Variants in GALNT13 observed in about 807,000 individuals in gnomAD.
GALNT13 encodes UDP-GalNAc:polypeptide N-acetylgalactosaminyltransferase 13.
A neutral mutation model predicts 64.2 loss-of-function variants in GALNT13; 28 were observed. The observed-to-expected ratio is 0.44, with a 90% CI of 0.32 to 0.60. The LOEUF is 0.60. Ranked by LOEUF, GALNT13 falls within the 20% of genes least tolerant of loss-of-function variation. The probability of loss-of-function intolerance (pLI) is 0.05; values close to 1 mark genes in which losing one functional copy is unlikely to be tolerated. For synonymous variants in GALNT13, 214 were observed against 224.6 expected (o/e 0.95, Z 0.42); for missense variants, 577 against 669.8 (o/e 0.86, Z 1.53).
At chr2:154,335,141 A>G (rs963007348) in intron 9 of GALNT13, among the ~76,000 whole-genome samples, 1 of 151,888 alleles carries the variant, frequency 6.6e-6, no homozygotes. Flanking sequence ...TTTCAACTGC[A>G]TCCTAATTGT....
the GALNT13 span, among the ~76,000 whole-genome samples, chr2:153,793,641 TG>T: frequency 9.0e-6 from 1 of 111,010 alleles, no homozygotes; most frequent in East Asian, 2.0e-4. Context: ...ACAACAGTGT[TG>T]TTATTTTGCT....
intron 4 of GALNT13, among the ~76,000 whole-genome samples, chr2:154,161,647 TTTAA>T (rs899929794): frequency 6.6e-6 from 1 of 152,210 alleles, no homozygotes; most frequent in African/African-American, 2.4e-5. Context: ...GTTTACTACC[TTTAA>T]TTATTTAAAT....
intron 3 of GALNT13, among the ~76,000 whole-genome samples, chr2:154,086,770 G>GCA (rs111864421): frequency 4.0e-5 from 6 of 151,356 alleles, no homozygotes; most frequent in South Asian, 2.1e-4. Flanking sequence ...TAGCATACGC[G>GCA]CACACACACA....
chr2:153,077,791 T>C, the GALNT13 span, among the ~76,000 whole-genome samples: 1 of 152,106 alleles, frequency 6.6e-6, no homozygotes, highest in East Asian at 1.9e-4. Flanking sequence ...CTGAAAGAAG[T>C]TTAGTGTTCT....
At position 153,994,609 on chromosome 2, in the gene GALNT13, C is replaced by T. The variant is rs545271230; in HGVS notation, c.142+49970C>T. 8.5e-5 allele frequency among the ~76,000 whole-genome samples: 13 copies of T among 152,284 alleles called. 1 individual carries two copies. In the South Asian group the frequency reaches 2.5e-3, roughly 29 times the overall value. Reference sequence around the variant, plus strand: ...TCCTGACTTTTTAATGATCGCCATTCTAACTGGTGTAAGATGGTATCTCAT... The same window carrying T: ...TCCTGACTTTTTAATGATCGCCATTTTAACTGGTGTAAGATGGTATCTCAT... On this transcript the variant is annotated intron_variant, in intron 3 of 12. Transcript: ENST00000392825.
chr2:153,596,468 A>G, the GALNT13 span, among the ~76,000 whole-genome samples: 1 of 152,140 alleles, frequency 6.6e-6, no homozygotes, highest in Admixed American at 6.6e-5. Context: ...GACATTTGCA[A>G]CATCGAAATT....
chr2:154,121,537 A>G (rs1022621440), intron 3 of GALNT13, among the ~76,000 whole-genome samples: 1 of 152,138 alleles, frequency 6.6e-6, no homozygotes, highest in Non-Finnish European at 1.5e-5. Context: ...TATACATATT[A>G]TGTAACATTT....
chr2:153,387,177 C>A, the GALNT13 span, among the ~76,000 whole-genome samples: 3 of 151,952 alleles, frequency 2.0e-5, no homozygotes, highest in Admixed American at 6.6e-5. Flanking sequence ...TTTTCTAAGA[C>A]AATGAGAAAG....
At chr2:153,736,434 A>G in the GALNT13 span, among the ~76,000 whole-genome samples, 4 of 152,128 alleles carry the variant, frequency 2.6e-5, no homozygotes, top group South Asian at 2.1e-4. Flanking sequence ...CTTCCTCTCA[A>G]GAACATTGGT....
At chr2:153,455,642 G>C in the GALNT13 span, among the ~76,000 whole-genome samples, 2 of 152,122 alleles carry the variant, frequency 1.3e-5, no homozygotes, top group Non-Finnish European at 2.9e-5. Context: ...GGGTACCCAC[G>C]ACTCCTGAAG....
the GALNT13 span, among the ~76,000 whole-genome samples, chr2:153,308,736 G>A: frequency 6.6e-6 from 1 of 152,074 alleles, no homozygotes; most frequent in East Asian, 1.9e-4. Flanking sequence ...AGAGGGGAAC[G>A]CCGATGAACA....
At chr2:154,297,530 A>G (rs962126351) in intron 8 of GALNT13, among the ~76,000 whole-genome samples, 2 of 152,218 alleles carry the variant, frequency 1.3e-5, no homozygotes, top group African/African-American at 4.8e-5. Context: ...CAGCAAAAAG[A>G]TAGTCATCTA....
At chr2:154,154,898 G>A (rs1684308657) in intron 4 of GALNT13, among the ~76,000 whole-genome samples, 1 of 151,388 alleles carries the variant, frequency 6.6e-6, no homozygotes, top group Non-Finnish European at 1.5e-5. Context: ...CAAATTGGGT[G>A]ACTAGGAGAT....
the GALNT13 span, among the ~76,000 whole-genome samples, chr2:153,123,338 C>G: frequency 6.6e-6 from 1 of 152,140 alleles, no homozygotes; most frequent in Non-Finnish European, 1.5e-5. Context: ...TGTGGTACTT[C>G]TAGTAGGGCA....
At chr2:153,633,020 C>G in the GALNT13 span, among the ~76,000 whole-genome samples, 1 of 152,212 alleles carries the variant, frequency 6.6e-6, no homozygotes, top group East Asian at 1.9e-4. Flanking sequence ...TTCGGCCTCC[C>G]AAAGTGCTGG....
the GALNT13 span, among the ~76,000 whole-genome samples, chr2:153,238,476 A>C: frequency 6.6e-6 from 1 of 152,060 alleles, no homozygotes; most frequent in Non-Finnish European, 1.5e-5. Context: ...CTTAGATTTA[A>C]GTCTTTAATC....
chr2:154,124,920 A>C (rs775881562), intron 3 of GALNT13, among the ~76,000 whole-genome samples: 3 of 152,140 alleles, frequency 2.0e-5, no homozygotes, highest in Non-Finnish European at 2.9e-5. Flanking sequence ...AATACTACAT[A>C]AGCCTTTCTG....
intron 3 of GALNT13, among the ~76,000 whole-genome samples, chr2:153,996,942 A>T (rs1426330796): frequency 6.6e-6 from 1 of 151,990 alleles, no homozygotes; most frequent in Non-Finnish European, 1.5e-5. Flanking sequence ...CCTTTCTCCA[A>T]TGTGTGTTCT....
intron 2 of GALNT13, among the ~76,000 whole-genome samples, chr2:153,927,442 T>G (rs975852539): frequency 1.2e-4 from 18 of 152,106 alleles, no homozygotes; most frequent in African/African-American, 4.1e-4. Flanking sequence ...ATATTTTTCC[T>G]TTTCTCCTAT....
Sources: allele counts gnomAD v4.1 joint callset (sites outside exome capture counted in the v4.1 genomes callset), GRCh38; gene constraint gnomAD v4.1.1; transcripts MANE v1.5; gene names NCBI Gene and HGNC (gene_info 2026-07-23, HGNC 2026-07-21).